The following TAFA1 variants were observed in gnomAD, a reference collection of about 807,000 sequenced individuals.
TAFA1 encodes the protein TAFA chemokine like family member 1.
A neutral mutation model predicts 18.5 loss-of-function variants in TAFA1; 4 were observed. The ratio of observed to expected loss-of-function variants is 0.22; its 90% CI spans 0.11 to 0.49. The LOEUF (loss-of-function observed/expected upper bound fraction) is 0.49, where lower values mean the gene tolerates loss of function less well. Among genes scored for constraint, TAFA1 ranks in the 20% least tolerant of loss-of-function variants. The pLI, the probability that TAFA1 is intolerant of heterozygous loss-of-function variation, is 0.98. For synonymous variants in TAFA1, 56 were observed against 55.2 expected (o/e 1.01, Z -0.06); for missense variants, 147 against 169.0 (o/e 0.87, Z 0.72).
At chr3:68,143,373 G>T (rs1302338976) in intron 2 of TAFA1, among the ~76,000 whole-genome samples, 1 of 152,146 alleles carries the variant, frequency 6.6e-6, no homozygotes, top group Non-Finnish European at 1.5e-5. Context: ...AAGAAATTTA[G>T]TCCCATTACA....
At chr3:68,231,935 T>G (rs1464331838) in intron 2 of TAFA1, among the ~76,000 whole-genome samples, 1 of 152,300 alleles carries the variant, frequency 6.6e-6, no homozygotes, top group African/African-American at 2.4e-5. Context: ...TTATTTTTAG[T>G]TGTGACCCTT....
chr3:68,467,595 G>A (rs891749106), intron 3 of TAFA1, among the ~76,000 whole-genome samples: 1 of 152,198 alleles, frequency 6.6e-6, no homozygotes, highest in African/African-American at 2.4e-5. Context: ...TTACAGCCAA[G>A]GAGCAGTGTG....
intron 2 of TAFA1, among the ~76,000 whole-genome samples, chr3:68,088,837 C>G (rs1231313488): frequency 6.6e-6 from 1 of 152,126 alleles, no homozygotes; most frequent in Non-Finnish European, 1.5e-5. Flanking sequence ...TTACTGTTGA[C>G]AAGGTGAGAG....
intron 2 of TAFA1, among the ~76,000 whole-genome samples, chr3:68,262,061 G>A (rs1480716205): frequency 1.3e-5 from 2 of 151,324 alleles, no homozygotes; most frequent in Non-Finnish European, 2.9e-5. Flanking sequence ...AATCATTTGT[G>A]ATCCATGTTG....
chr3:68,108,454 G>T (rs1214766768), intron 2 of TAFA1, among the ~76,000 whole-genome samples: 3 of 54,774 alleles, frequency 5.5e-5, no homozygotes, highest in Non-Finnish European at 1.3e-4. Flanking sequence ...GTGTGTGTGT[G>T]TGTGTGTGCA....
At chr3:68,284,159 C>A (rs1271009029) in intron 2 of TAFA1, among the ~76,000 whole-genome samples, 5 of 152,126 alleles carry the variant, frequency 3.3e-5, no homozygotes, top group African/African-American at 7.2e-5. Context: ...TCCCTACTAT[C>A]CTTAATTGAA....
chr3:68,060,185 T>C (rs1302762759), intron 2 of TAFA1, among the ~76,000 whole-genome samples: 1 of 136,680 alleles, frequency 7.3e-6, no homozygotes, highest in Non-Finnish European at 1.7e-5. Context: ...CCATTGCAAC[T>C]GTGTGTGTGT....
chr3:68,450,844 T>G (rs2071557061), intron 3 of TAFA1, among the ~76,000 whole-genome samples: 1 of 152,182 alleles, frequency 6.6e-6, no homozygotes, highest in African/African-American at 2.4e-5. Flanking sequence ...GTAATTATGA[T>G]CTGATGTTGT....
intron 2 of TAFA1, among the ~76,000 whole-genome samples, chr3:68,137,046 G>T (rs1473705650): frequency 6.6e-6 from 1 of 152,130 alleles, no homozygotes; most frequent in Non-Finnish European, 1.5e-5. Context: ...GCACCAGAAT[G>T]ATTTTTCTAT....
intron 2 of TAFA1, among the ~76,000 whole-genome samples, chr3:68,056,708 T>C (rs2064540962): frequency 6.6e-6 from 1 of 152,144 alleles, no homozygotes; most frequent in Non-Finnish European, 1.5e-5. Context: ...CATGCCAATT[T>C]CTGAGAGTCA....
rs1390635496 is a variant in TAFA1 at position 68,233,851 on chromosome 3, T to C, written c.119-183429T>C. 2.0e-5 allele frequency among the ~76,000 whole-genome samples: 3 copies of C among 152,204 alleles called. No individual in the cohort carries two copies. The East Asian group carries it at 5.8e-4, about 29-fold the overall frequency. ...GTTATAGGGCTTACATACATCTTCT[T>C]GCATCTTTTTTGTCTGTGGTCTCAC... On this transcript the variant is annotated intron_variant, in intron 2 of 4. Transcript: ENST00000478136.
At chr3:68,419,047 G>T (rs1162910259) in intron 3 of TAFA1, among the ~76,000 whole-genome samples, 1 of 152,150 alleles carries the variant, frequency 6.6e-6, no homozygotes. Flanking sequence ...CTGTTGGGAG[G>T]TGGTCTTGTT....
At chr3:68,166,678 A>C (rs1319451001) in intron 2 of TAFA1, among the ~76,000 whole-genome samples, 1 of 152,112 alleles carries the variant, frequency 6.6e-6, no homozygotes, top group Non-Finnish European at 1.5e-5. Flanking sequence ...TGAAGCGCAT[A>C]ATGGGAGAGC....
chr3:67,995,063 A>G, the TAFA1 span, among the ~76,000 whole-genome samples: 2 of 152,218 alleles, frequency 1.3e-5, no homozygotes, highest in African/African-American at 2.4e-5. Context: ...AAACAAATTA[A>G]TGAAATGGAG....
intron 3 of TAFA1, among the ~76,000 whole-genome samples, chr3:68,497,014 A>G (rs567868187): frequency 6.6e-6 from 1 of 152,268 alleles, no homozygotes; most frequent in South Asian, 2.1e-4. Context: ...CTTCATGAAA[A>G]AGCCCAGTGG....
intron 2 of TAFA1, among the ~76,000 whole-genome samples, chr3:68,017,080 T>A (rs1575575397): frequency 6.6e-6 from 1 of 152,174 alleles, no homozygotes; most frequent in Non-Finnish European, 1.5e-5. Context: ...ATTGCGACTT[T>A]AAAAATATGT....
At chr3:68,370,568 T>C (rs1331706998) in intron 2 of TAFA1, among the ~76,000 whole-genome samples, 1 of 133,240 alleles carries the variant, frequency 7.5e-6, no homozygotes, top group Non-Finnish European at 1.6e-5. Context: ...ATAGCTCAAC[T>C]TTTACTGCAA....
At chr3:68,495,110 A>C (rs2072522270) in intron 3 of TAFA1, among the ~76,000 whole-genome samples, 1 of 152,196 alleles carries the variant, frequency 6.6e-6, no homozygotes, top group Non-Finnish European at 1.5e-5. Flanking sequence ...TAAAAATCCC[A>C]GTGGACACCC....
chr3:68,139,176 A>G (rs150801465), intron 2 of TAFA1, among the ~76,000 whole-genome samples: 8 of 152,218 alleles, frequency 5.3e-5, no homozygotes, highest in Admixed American at 5.2e-4. Context: ...CATTATATAC[A>G]TAATATTTAT....
Sources: allele counts gnomAD v4.1 joint callset (sites outside exome capture counted in the v4.1 genomes callset), GRCh38; gene constraint gnomAD v4.1.1; transcripts MANE v1.5; gene names NCBI Gene and HGNC (gene_info 2026-07-23, HGNC 2026-07-21).